The following DCBLD2 variants were observed in gnomAD, a reference collection of about 807,000 sequenced individuals.
The protein encoded by DCBLD2 is discoidin, CUB and LCCL domain-containing protein 2.
In DCBLD2, 54 loss-of-function variants were observed where a neutral mutation model predicts 86.8. The observed-to-expected ratio is 0.62, with a 90% CI of 0.50 to 0.78. The LOEUF (loss-of-function observed/expected upper bound fraction) is 0.78, where lower values mean the gene tolerates loss of function less well. DCBLD2 is among the 30% of genes least tolerant of loss of function. The pLI is 0.00. For missense variants in DCBLD2, 908 were observed against 954.2 expected (o/e 0.95, Z 0.64); for synonymous variants, 354 against 341.3 (o/e 1.04, Z -0.41).
At chr3:98,809,562 G>C (rs1559769599) in intron 12 of DCBLD2, among the ~76,000 whole-genome samples, 1 of 152,170 alleles carries the variant, frequency 6.6e-6, no homozygotes. Flanking sequence ...AGTTTCACTG[G>C]AAGGAAACTC....
At chr3:98,822,524 GAAA>G in intron 5 of DCBLD2, 142 bp downstream of exon 5, 1 of 1,246,540 alleles carries the variant, frequency 8.0e-7, no homozygotes, top group Non-Finnish European at 1.1e-6. Flanking sequence ...TTTAGCAGAA[GAAA>G]AAGAATAAAA....
chr3:98,839,599 G>T (rs541580465), intron 3 of DCBLD2, among the ~76,000 whole-genome samples: 1 of 152,256 alleles, frequency 6.6e-6, no homozygotes, highest in South Asian at 2.1e-4. Context: ...AAAGAGCCAG[G>T]GCTGGCAGTT....
rs1941631453 is a variant in DCBLD2 at position 98,797,502 on chromosome 3, G to C, written c.*1870C>G. Reference sequence around the variant, plus strand: ...CAACTGGTTTGCTCTCTTCCCACCTGAAAAGGGATGACTGCATTAATATAT... The same window carrying C: ...CAACTGGTTTGCTCTCTTCCCACCTCAAAAGGGATGACTGCATTAATATAT... On this transcript the variant is annotated 3_prime_UTR_variant, in exon 16 of 16. Transcript: ENST00000326840. The C allele has an allele frequency of 6.6e-6, 1 of 152,526 alleles. No homozygotes were observed. Among genetic ancestry groups the C allele is most frequent in the Admixed American group, 6.6e-5 (1 of 15,254 alleles). The allele number at this position is 152,526 out of a possible 1,614,324, so 9.4% of individuals were successfully genotyped here. A position where few individuals can be genotyped will look rare whatever the true frequency, so the allele number is the denominator to read the frequency against.
chr3:98,812,520 A>G (rs775494409), intron 9 of DCBLD2, 38 bp from the exon 10 acceptor site: 11 of 1,579,678 alleles, frequency 7.0e-6, no homozygotes, highest in South Asian at 2.3e-5. Flanking sequence ...CTTCAAATCA[A>G]TAGAGGTCAG....
intron 3 of DCBLD2, among the ~76,000 whole-genome samples, chr3:98,833,217 A>G (rs905528208): frequency 6.6e-6 from 1 of 152,146 alleles, no homozygotes; most frequent in African/African-American, 2.4e-5. Flanking sequence ...AGCGTGGTCT[A>G]TTCTGCTGTT....
intron 8 of DCBLD2, 77 bp from the exon 9 acceptor site, chr3:98,817,970 C>A: frequency 6.5e-7 from 1 of 1,539,558 alleles, no homozygotes; most frequent in South Asian, 1.2e-5. Context: ...AGTATAAACA[C>A]TTGAAATGCA....
intron 2 of DCBLD2, among the ~76,000 whole-genome samples, chr3:98,864,934 C>T (rs148046465): frequency 2.8e-4 from 42 of 152,154 alleles, no homozygotes; most frequent in Admixed American, 1.1e-3. Flanking sequence ...CTCATGCTTC[C>T]TAGAATGGCT....
intron 2 of DCBLD2, among the ~76,000 whole-genome samples, chr3:98,867,387 G>A (rs1237669650): frequency 6.6e-6 from 1 of 152,094 alleles, no homozygotes; most frequent in East Asian, 1.9e-4. Flanking sequence ...ATTGAGCAGT[G>A]GTTTGTAGTT....
At chr3:98,890,587 A>T (rs1943642699) in intron 1 of DCBLD2, 2 of 152,056 alleles carry the variant, frequency 1.3e-5, no homozygotes, top group African/African-American at 4.8e-5. Context: ...CCAAAAGCCA[A>T]TGGAGAATTT....
intron 2 of DCBLD2, among the ~76,000 whole-genome samples, chr3:98,858,830 T>C (rs1187250806): frequency 6.6e-6 from 1 of 152,146 alleles, no homozygotes; most frequent in Non-Finnish European, 1.5e-5. Context: ...GGTCCTCCGT[T>C]CCAAGATGGC....
At chr3:98,864,622 C>T (rs1026850991) in intron 2 of DCBLD2, among the ~76,000 whole-genome samples, 1 of 152,042 alleles carries the variant, frequency 6.6e-6, no homozygotes, top group African/African-American at 2.4e-5. Flanking sequence ...CCAAACAGCG[C>T]ATGTTCTCAC....
chr3:98,837,795 A>G (rs1942499872), intron 3 of DCBLD2, among the ~76,000 whole-genome samples: 2 of 122,188 alleles, frequency 1.6e-5, no homozygotes, highest in African/African-American at 6.6e-5. Flanking sequence ...CACCTCCCAG[A>G]CGGGGCGGCT....
At chr3:98,873,711 T>C (rs1943318414) in intron 2 of DCBLD2, among the ~76,000 whole-genome samples, 2 of 151,150 alleles carry the variant, frequency 1.3e-5, no homozygotes, top group African/African-American at 4.9e-5. Context: ...AACTAGCAGT[T>C]AACAAAGTAA....
At chr3:98,801,132 G>A (rs1941710604) in intron 14 of DCBLD2, among the ~76,000 whole-genome samples, 1 of 152,172 alleles carries the variant, frequency 6.6e-6, no homozygotes, top group South Asian at 2.1e-4. Context: ...ACTGGTAGGG[G>A]GGCCCCTTTG....
intron 5 of DCBLD2, 87 bp downstream of exon 5, chr3:98,822,582 A>G: frequency 7.5e-7 from 1 of 1,328,908 alleles, no homozygotes; most frequent in Non-Finnish European, 1.0e-6. Context: ...AGATAAGGAT[A>G]TATGATTAAC....
At chr3:98,839,163 CTTT>C (rs1559781530) in intron 3 of DCBLD2, among the ~76,000 whole-genome samples, 29 of 89,604 alleles carry the variant, frequency 3.2e-4, no homozygotes, top group African/African-American at 1.1e-3. Context: ...TTCTTTCTTT[CTTT>C]CTTTCCTTTC....
chr3:98,900,241 C>G (rs550678224), intron 1 of DCBLD2, among the ~76,000 whole-genome samples: 2 of 152,246 alleles, frequency 1.3e-5, no homozygotes, highest in South Asian at 4.1e-4. Flanking sequence ...AAACTCTCTT[C>G]CTAGCAATAA....
At chr3:98,901,005 G>A in intron 1 of DCBLD2, 117 bp downstream of exon 1, 5 of 1,498,604 alleles carry the variant, frequency 3.3e-6, no homozygotes, top group Non-Finnish European at 4.5e-6. Context: ...GCCAGGTCCG[G>A]CCACGCACGA....
At chr3:98,816,836 C>A (rs917437948) in intron 9 of DCBLD2, among the ~76,000 whole-genome samples, 10 of 152,074 alleles carry the variant, frequency 6.6e-5, no homozygotes, top group African/African-American at 1.9e-4. Flanking sequence ...GGCTGGATTG[C>A]AGTGGAGTGA....
Sources: gnomAD v4.1 joint callset for allele counts (sites outside exome capture counted in the v4.1 genomes callset) on GRCh38, gnomAD v4.1.1 for gene constraint, MANE v1.5 for transcripts, NCBI Gene and HGNC (gene_info 2026-07-23, HGNC 2026-07-21) for gene names.